The following IFIH1 variants were observed in gnomAD, a reference collection of about 807,000 sequenced individuals.
The protein encoded by IFIH1 is interferon induced with helicase C domain 1, also known as interferon-induced helicase C domain-containing protein 1.
Under a neutral mutation model 107.4 loss-of-function variants are expected in IFIH1, and 125 were observed. The ratio of observed to expected loss-of-function variants is 1.16; its 90% CI spans 1.01 to 1.35. IFIH1 has a LOEUF of 1.35. IFIH1 is among the 40% of genes most tolerant of loss of function. The pLI is 0.00. For missense variants in IFIH1, 1,333 were observed against 1,213.7 expected, an observed-to-expected ratio of 1.10 and a Z score of -1.46; for synonymous variants, 458 against 413.2, an observed-to-expected ratio of 1.11 and a Z score of -1.31.
intron 4 of IFIH1, among the ~76,000 whole-genome samples, chr2:162,289,945 A>C (rs557049753): frequency 6.6e-6 from 1 of 152,084 alleles, no homozygotes; most frequent in African/African-American, 2.4e-5. Context: ...TGATTTATTT[A>C]AGAACAATGT....
chr2:162,274,463 A>G (rs1214442836), intron 11 of IFIH1, among the ~76,000 whole-genome samples: 1 of 152,184 alleles, frequency 6.6e-6, no homozygotes, highest in Non-Finnish European at 1.5e-5. Flanking sequence ...AAAAGGACAC[A>G]AGAGAAACTG....
chr2:162,286,120 G>A (rs1682889321), intron 5 of IFIH1, among the ~76,000 whole-genome samples: 1 of 151,972 alleles, frequency 6.6e-6, no homozygotes, highest in Non-Finnish European at 1.5e-5. Flanking sequence ...GAAGGAGTAT[G>A]AGCACTAGGA....
At position 162,288,155 on chromosome 2, in the gene IFIH1, C is replaced by A. The variant is rs760272821; in HGVS notation, c.1075G>T (p.Val359Phe). 1.2e-6 allele frequency: 2 copies of A among 1,611,214 alleles called. No homozygotes were observed. Among genetic ancestry groups the A allele is most frequent in the Non-Finnish European group, 1.7e-6 (2 of 1,178,340 alleles). Residue 359 changes from valine to phenylalanine, a missense_variant, in exon 5 of 16, where the codon GTT (valine) becomes TTT (phenylalanine). Val to Phe is a conservative substitution (Grantham distance 50). Transcript: ENST00000649979. ...KKKKASEPGK[V>F]IVLVNKVLLV... is the part of the protein sequence containing the mutation. ...AATACCTTATTGACAAGAACTATAA[C>A]TTTTCCAGGCTCAGATGCTTTTTTC...
At chr2:162,317,480 C>T (rs138863483) in intron 1 of IFIH1, among the ~76,000 whole-genome samples, 277 of 152,288 alleles carry the variant, frequency 1.8e-3, no homozygotes, top group African/African-American at 6.3e-3. Context: ...ATTTAACCTG[C>T]CTCAGGTTTC....
Position 162,282,587 on chromosome 2 carries a change from T to G in IFIH1, c.1096-11A>C. 1 of 1,573,882 alleles carries G rather than the reference T, an allele frequency of 6.4e-7. No homozygotes were observed. Among genetic ancestry groups the G allele is most frequent in the African/African-American group, 1.4e-5 (1 of 73,478 alleles). ...TTCAACTAGCAGTACCTTAAAAAAA[T>G]GTGAAGATTTTTTAAAAGAGAGAAA... On this transcript the variant is annotated splice_polypyrimidine_tract_variant and intron_variant, in intron 5 of 15. Transcript: ENST00000649979.
intron 10 of IFIH1, 119 bp downstream of exon 10, chr2:162,277,296 T>C: frequency 1.4e-6 from 1 of 721,594 alleles, no homozygotes; most frequent in African/African-American, 1.8e-5. Flanking sequence ...ATAGTTCCAA[T>C]CTGAGTGGGA....
At chr2:162,286,329 T>G (rs901877969) in intron 5 of IFIH1, among the ~76,000 whole-genome samples, 7 of 151,912 alleles carry the variant, frequency 4.6e-5, no homozygotes, top group African/African-American at 1.7e-4. Flanking sequence ...ATTGTGGGAT[T>G]CCAGAGAAAC....
At chr2:162,279,862 A>T (rs35303795) in intron 8 of IFIH1, 134 bp downstream of exon 8, 224 of 633,260 alleles carry the variant, frequency 3.5e-4, no homozygotes, top group African/African-American at 1.0e-3. Context: ...AACATCAATT[A>T]AAAAAAAACC....
chr2:162,281,723 C>T (rs1050893559), intron 6 of IFIH1, among the ~76,000 whole-genome samples, 178 bp from the exon 7 acceptor site: 3 of 151,940 alleles, frequency 2.0e-5, no homozygotes, highest in African/African-American at 4.8e-5. Flanking sequence ...TACACACAGA[C>T]GTTCGTATAT....
Position 162,294,816 on chromosome 2 carries a change from G to T in IFIH1, c.770-1148C>A, listed in dbSNP as rs75817664. The stretch of plus-strand genomic sequence containing the variant: ...CTAAAGCCTCTTAACACACCAATGA[G>T]GTAGCTCTTAGCTATTTAAAACTAG... On this transcript the variant is annotated intron_variant, in intron 3 of 15. Coordinates refer to ENST00000649979, the MANE Select transcript of IFIH1 (RefSeq NM_022168.4). Among the ~76,000 whole-genome samples, 530 of 151,746 alleles carry T rather than the reference G, an allele frequency of 3.5e-3. 2 individuals carry two copies. Among genetic ancestry groups the T allele is most frequent in the Non-Finnish European group, 6.4e-3 (433 of 67,846 alleles).
At chr2:162,306,445 A>T (rs1427493995) in intron 3 of IFIH1, among the ~76,000 whole-genome samples, 1 of 152,230 alleles carries the variant, frequency 6.6e-6, no homozygotes, top group Middle Eastern at 3.2e-3. Context: ...TCTTATACTT[A>T]TCTTACAATG....
intron 5 of IFIH1, among the ~76,000 whole-genome samples, chr2:162,286,805 A>T (rs540696802): frequency 6.6e-6 from 1 of 152,050 alleles, no homozygotes; most frequent in South Asian, 2.1e-4. Flanking sequence ...AGGTGAAGAG[A>T]AAGGAGCAGG....
At chr2:162,315,910 G>C (rs1295868384) in intron 1 of IFIH1, among the ~76,000 whole-genome samples, 1 of 152,164 alleles carries the variant, frequency 6.6e-6, no homozygotes, top group Admixed American at 6.6e-5. Context: ...TTCCTAGAGA[G>C]CCTCAAATTT....
At chr2:162,314,220 C>A (rs1683429610) in intron 1 of IFIH1, among the ~76,000 whole-genome samples, 1 of 152,134 alleles carries the variant, frequency 6.6e-6, no homozygotes, top group Non-Finnish European at 1.5e-5. Flanking sequence ...AGGAGCAAGG[C>A]AGTACAGGGG....
At position 162,280,103 on chromosome 2, in the gene IFIH1, T is replaced by C; in HGVS notation, c.1534A>G (p.Asn512Asp). The C allele has an allele frequency of 1.3e-6, 2 of 1,543,792 alleles. No homozygotes were observed. The highest frequency in any genetic ancestry group is 1.8e-6 in the Non-Finnish European group (2 of 1,118,846). Residue 512 changes from asparagine to aspartate, a missense_variant, in exon 8 of 16, where the codon AAT becomes GAT. Asn to Asp is a conservative substitution (Grantham distance 23). Transcript: ENST00000649979. ...AEEHILKLCA[N>D]LDAFTIKTVK... Reference sequence around the variant, plus strand: ...GTTTTAATAGTAAATGCATCAAGATTGGCACATAGCTGGAAAAGAGACATT... The same window carrying C: ...GTTTTAATAGTAAATGCATCAAGATCGGCACATAGCTGGAAAAGAGACATT...
chr2:162,298,654 G>A (rs1361110759), intron 3 of IFIH1, among the ~76,000 whole-genome samples: 2 of 152,072 alleles, frequency 1.3e-5, no homozygotes, highest in Non-Finnish European at 2.9e-5. Context: ...GGCTTCTCAA[G>A]TGGGCTTACA....
At chr2:162,311,106 G>GA (rs967608224) in intron 1 of IFIH1, among the ~76,000 whole-genome samples, 173 bp from the exon 2 acceptor site, 76 of 150,134 alleles carry the variant, frequency 5.1e-4, no homozygotes, top group African/African-American at 1.8e-3. Flanking sequence ...AGTCGGCAGG[G>GA]AAAAAAATCT....
At chr2:162,274,806 A>T (rs1237122095) in intron 11 of IFIH1, among the ~76,000 whole-genome samples, 2 of 152,168 alleles carry the variant, frequency 1.3e-5, no homozygotes, top group African/African-American at 2.4e-5. Context: ...CATTTGGTGC[A>T]CATCCACACT....
intron 1 of IFIH1, among the ~76,000 whole-genome samples, chr2:162,314,808 C>G (rs1683458851): frequency 6.6e-6 from 1 of 152,016 alleles, no homozygotes; most frequent in South Asian, 2.1e-4. Flanking sequence ...ATTCTTTTAT[C>G]AACACTAATT....
Sources: allele counts gnomAD v4.1 joint callset (sites outside exome capture counted in the v4.1 genomes callset), GRCh38; gene constraint gnomAD v4.1.1; transcripts MANE v1.5; gene names NCBI Gene and HGNC (gene_info 2026-07-23, HGNC 2026-07-21).